Variants in KLF8 observed in about 807,000 individuals in gnomAD.
KLF8 encodes KLF transcription factor 8, also known as Krueppel-like factor 8.
KLF8 carries 10 observed loss-of-function variants against 18.2 expected under a neutral mutation model. That is an observed-to-expected ratio of 0.55 (90% CI 0.34 to 0.93). KLF8 has a LOEUF of 0.93. KLF8 is among the 40% of genes least tolerant of loss of function. The pLI, the probability that KLF8 is intolerant of heterozygous loss-of-function variation, is 0.02. For synonymous variants in KLF8, 109 were observed against 97.3 expected (o/e 1.12, Z -0.71); for missense variants, 264 against 277.9 (o/e 0.95, Z 0.36).
chrX:56,044,290 A>G, the KLF8 span, among the ~76,000 whole-genome samples: 3 of 112,125 alleles, frequency 2.7e-5, 1 homozygote, highest in East Asian at 8.5e-4. Context: ...GAATGAGTTC[A>G]GGCACCCATC....
the KLF8 span, among the ~76,000 whole-genome samples, chrX:55,943,424 G>A: frequency 1.8e-5 from 2 of 111,213 alleles, no homozygotes; most frequent in Non-Finnish European, 3.8e-5. Flanking sequence ...TAAAAGTCTG[G>A]TAGATGAGAA....
At chrX:56,181,958 G>A in the KLF8 span, among the ~76,000 whole-genome samples, 2 of 110,867 alleles carry the variant, frequency 1.8e-5, no homozygotes, top group South Asian at 3.9e-4. Flanking sequence ...CTCTTTTTGA[G>A]GAGTATCTTC....
chrX:56,071,579 G>T, the KLF8 span, among the ~76,000 whole-genome samples: 2 of 111,724 alleles, frequency 1.8e-5, no homozygotes, highest in African/African-American at 6.5e-5. Context: ...AGCTTGTGCA[G>T]GATTTTTAAT....
chrX:56,154,730 T>A, the KLF8 span, among the ~76,000 whole-genome samples: 1 of 111,612 alleles, frequency 9.0e-6, no homozygotes, highest in East Asian at 2.8e-4. Flanking sequence ...ATATCCAGAA[T>A]CTACAATGAA....
intron 5 of KLF8, among the ~76,000 whole-genome samples, chrX:56,273,212 T>G (rs950076216): frequency 1.8e-5 from 2 of 111,695 alleles, no homozygotes; most frequent in Non-Finnish European, 3.8e-5. Context: ...GTTTATATAT[T>G]TATGAGTTAC....
chrX:56,110,059 G>A, the KLF8 span, among the ~76,000 whole-genome samples: 3 of 111,225 alleles, frequency 2.7e-5, no homozygotes, highest in African/African-American at 6.5e-5. Flanking sequence ...TTCTGCGTGA[G>A]TTTGCTGAGG....
chrX:56,064,792 G>A, the KLF8 span, among the ~76,000 whole-genome samples: 1 of 111,523 alleles, frequency 9.0e-6, no homozygotes. Context: ...TTCTAGTGGT[G>A]ATAAACCCTC....
At chrX:56,161,066 C>T in the KLF8 span, among the ~76,000 whole-genome samples, 2 of 111,375 alleles carry the variant, frequency 1.8e-5, no homozygotes, top group African/African-American at 6.5e-5. Flanking sequence ...CCTTCAGGAG[C>T]TCTTTTAGGG....
At chrX:56,177,327 A>C in the KLF8 span, among the ~76,000 whole-genome samples, 1 of 110,447 alleles carries the variant, frequency 9.1e-6, no homozygotes, top group African/African-American at 3.3e-5. Flanking sequence ...AACAGTCAGG[A>C]CCCTCAGCTG....
chrX:56,150,805 C>T, the KLF8 span, among the ~76,000 whole-genome samples: 3 of 111,552 alleles, frequency 2.7e-5, no homozygotes, highest in South Asian at 1.1e-3. Context: ...TATCTCCTTC[C>T]AAGATGTTTT....
the KLF8 span, among the ~76,000 whole-genome samples, chrX:56,212,614 G>A: frequency 8.9e-6 from 1 of 112,078 alleles, no homozygotes; most frequent in Non-Finnish European, 1.9e-5. Context: ...TGAGTTCAAT[G>A]CCTCAAATTG....
chrX:56,258,362 T>G (rs1241611945), intron 2 of KLF8, among the ~76,000 whole-genome samples: 1 of 110,782 alleles, frequency 9.0e-6, no homozygotes, highest in Non-Finnish European at 1.9e-5. Context: ...AAGCTCCGCC[T>G]CCTGCGTTCA....
At chrX:56,042,922 A>G in the KLF8 span, among the ~76,000 whole-genome samples, 149 of 111,284 alleles carry the variant, frequency 1.3e-3, no homozygotes, top group African/African-American at 4.6e-3. Context: ...ATATCACTGG[A>G]CTGTGTACTT....
At chrX:55,951,538 G>A in the KLF8 span, among the ~76,000 whole-genome samples, 1 of 109,550 alleles carries the variant, frequency 9.1e-6, no homozygotes, top group Non-Finnish European at 1.9e-5. Context: ...GGTCTATGGG[G>A]ATACGCAAAG....
chrX:55,922,712 CAT>C, the KLF8 span, among the ~76,000 whole-genome samples: 1 of 112,431 alleles, frequency 8.9e-6, no homozygotes, highest in Non-Finnish European at 1.9e-5. Flanking sequence ...GGCCAACAAA[CAT>C]ATGAAAAAAA....
the KLF8 span, among the ~76,000 whole-genome samples, chrX:56,217,695 AG>A: frequency 3.6e-5 from 4 of 111,976 alleles, no homozygotes; most frequent in Non-Finnish European, 7.5e-5. Context: ...CTGGGATTAC[AG>A]GTGTGAGCCA....
At chrX:56,218,042 T>A in the KLF8 span, among the ~76,000 whole-genome samples, 1 of 110,857 alleles carries the variant, frequency 9.0e-6, no homozygotes, top group East Asian at 2.8e-4. Flanking sequence ...TCAGTAGCAC[T>A]AGTGTGAGGC....
At chrX:55,933,142 C>T in the KLF8 span, among the ~76,000 whole-genome samples, 24,124 of 110,331 alleles carry the variant, frequency 0.22, 5,433 homozygotes, top group African/African-American at 0.69. Context: ...CTTATGTTTT[C>T]TTCAAAATAT....
At chrX:56,048,183 G>A in the KLF8 span, among the ~76,000 whole-genome samples, 2 of 111,474 alleles carry the variant, frequency 1.8e-5, no homozygotes, top group African/African-American at 3.3e-5. Context: ...TGTCAGATGA[G>A]TAGATTGCAA....
Sources: gnomAD v4.1 joint callset for allele counts (sites outside exome capture counted in the v4.1 genomes callset) on GRCh38, gnomAD v4.1.1 for gene constraint, MANE v1.5 for transcripts, NCBI Gene and HGNC (gene_info 2026-07-23, HGNC 2026-07-21) for gene names.